The following TRPM6 variants were observed in gnomAD, a reference collection of about 807,000 sequenced individuals.
The protein encoded by TRPM6 is channel kinase 2.
In TRPM6, 111 loss-of-function variants were observed where a neutral mutation model predicts 247.6. That is an observed-to-expected ratio of 0.45 (90% CI 0.38 to 0.52). The LOEUF is 0.52. Ranked by LOEUF, TRPM6 falls within the 20% of genes least tolerant of loss-of-function variation. TRPM6 has a pLI of 0.00. For missense variants in TRPM6, 2,126 were observed against 2,421.5 expected, an observed-to-expected ratio of 0.88 and a Z score of 2.56; for synonymous variants, 892 against 853.8, an observed-to-expected ratio of 1.04 and a Z score of -0.78.
At chr9:74,815,758 T>A (rs141920732) in intron 11 of TRPM6, among the ~76,000 whole-genome samples, 1 of 152,362 alleles carries the variant, frequency 6.6e-6, no homozygotes, top group East Asian at 1.9e-4. Flanking sequence ...ACATCTTAAG[T>A]ACTAGCTCTT....
chr9:74,728,621 A>G (rs989260503), intron 37 of TRPM6, among the ~76,000 whole-genome samples: 1 of 152,244 alleles, frequency 6.6e-6, no homozygotes, highest in Non-Finnish European at 1.5e-5. Context: ...TCTATGTACC[A>G]CATTAAAACA....
chr9:74,782,196 C>G (rs1195331308), intron 23 of TRPM6, among the ~76,000 whole-genome samples, 166 bp downstream of exon 23: 2 of 152,102 alleles, frequency 1.3e-5, no homozygotes, highest in African/African-American at 4.8e-5. Context: ...TTCCCATGCT[C>G]CATGTCCTTC....
chr9:74,750,296 A>C (rs1826198797), intron 30 of TRPM6, among the ~76,000 whole-genome samples: 1 of 152,226 alleles, frequency 6.6e-6, no homozygotes, highest in African/African-American at 2.4e-5. Flanking sequence ...GTTCAGTCTA[A>C]GTCTGTTTCT....
chr9:74,738,266 T>C, intron 36 of TRPM6, 141 bp downstream of exon 36: 2 of 837,744 alleles, frequency 2.4e-6, no homozygotes, highest in Non-Finnish European at 4.0e-6. Context: ...ATTATCACTG[T>C]ACAATGTCTC....
intron 11 of TRPM6, 94 bp from the exon 12 acceptor site, chr9:74,812,527 CAATAATTTTAA>C: frequency 4.0e-6 from 4 of 1,012,232 alleles, no homozygotes. Context: ...TACACAAACA[CAATAATTTTAA>C]AATAAAATCC....
intron 3 of TRPM6, among the ~76,000 whole-genome samples, chr9:74,850,232 C>A (rs139383169): frequency 2.0e-5 from 3 of 151,100 alleles, no homozygotes; most frequent in African/African-American, 7.3e-5. Context: ...ATCAGCTGAG[C>A]GTGGTGGCAC....
intron 31 of TRPM6, among the ~76,000 whole-genome samples, chr9:74,745,578 T>C (rs1587462400): frequency 6.6e-6 from 1 of 152,148 alleles, no homozygotes; most frequent in East Asian, 1.9e-4. Context: ...TAAGGTGAAA[T>C]TTGAGCACAG....
At chr9:74,818,301 T>C (rs1275446885) in intron 9 of TRPM6, among the ~76,000 whole-genome samples, 3 of 142,500 alleles carry the variant, frequency 2.1e-5, no homozygotes, top group Admixed American at 6.9e-5. Context: ...TTCTTTTTTT[T>C]TTTTTTTTTT....
intron 18 of TRPM6, among the ~76,000 whole-genome samples, chr9:74,796,380 C>A (rs1357502257): frequency 1.3e-5 from 2 of 152,082 alleles, no homozygotes; most frequent in African/African-American, 4.8e-5. Context: ...TGTAAAGTGG[C>A]CACAAATGAG....
At chr9:74,737,508 T>C (rs1825732225) in intron 36 of TRPM6, 6 of 982,686 alleles carry the variant, frequency 6.1e-6, no homozygotes, top group Admixed American at 4.6e-5. Flanking sequence ...AACCATAAGA[T>C]GGTTATACCC....
chr9:74,830,495 G>A (rs1046780507), intron 6 of TRPM6, among the ~76,000 whole-genome samples: 3 of 151,790 alleles, frequency 2.0e-5, no homozygotes, highest in Non-Finnish European at 2.9e-5. Context: ...TCCCGGGCTC[G>A]AGCGATCCTC....
chr9:74,763,056 G>A lies in TRPM6; in HGVS notation c.3615C>T (p.Asp1205=). 6.2e-7 allele frequency: 1 copy of A among 1,614,112 alleles called. No individual in the cohort carries two copies. The highest frequency in any genetic ancestry group is 8.5e-7 in the Non-Finnish European group (1 of 1,179,986). Reference sequence around the variant, plus strand: ...GATCCTGCAGGTGTCCCACCTGGCTGTCCAAAGACAGTAAGGAGTCCTTTA... The same window carrying A: ...GATCCTGCAGGTGTCCCACCTGGCTATCCAAAGACAGTAAGGAGTCCTTTA... The part of the protein sequence containing the change: ...SFIKDSLLSL[D]SQVGHLQDLS... Residue 1205 remains aspartate (D), a synonymous_variant, in exon 26 of 39, where the codon GAC becomes GAT. Transcript: ENST00000360774.
intron 7 of TRPM6, among the ~76,000 whole-genome samples, chr9:74,823,774 ATAAAACGTTATTCAGCCATTAAAATGTAC>A (rs1829215555): frequency 6.6e-6 from 1 of 152,218 alleles, no homozygotes; most frequent in African/African-American, 2.4e-5. Flanking sequence ...ATCTTGTGCA[ATAAAACGTTATTCAGCCATTAAAATGTAC>A]TAAATTATAC....
At position 74,840,097 on chromosome 9, in the gene TRPM6, C is replaced by G. The variant is rs1402717815; in HGVS notation, c.471G>C (p.Glu157Asp). The G allele has an allele frequency of 1.2e-6, 2 of 1,614,122 alleles. No homozygotes were observed. Among genetic ancestry groups the G allele is most frequent in the Non-Finnish European group, 1.7e-6 (2 of 1,180,020 alleles). The change falls in exon 5 of 39, where the codon GAG (glutamate) becomes GAC (aspartate). Residue 157 changes from glutamate to aspartate, a missense_variant. Transcript: ENST00000360774. Reference protein sequence around the residue: ...QNFTMPSKFKEIFSQGLVKAA... With the variant: ...QNFTMPSKFKDIFSQGLVKAA... ...CTTTAACCAAACCTTGGCTGAAAAT[C>G]TCTTTAAATTTAGAGGGCATAGTAA...
At chr9:74,810,287 T>C (rs1828684922) in intron 13 of TRPM6, among the ~76,000 whole-genome samples, 2 of 152,182 alleles carry the variant, frequency 1.3e-5, no homozygotes, top group African/African-American at 4.8e-5. Flanking sequence ...AAGTTTGACC[T>C]AACTCACAGT....
chr9:74,859,508 C>A (rs1830630254), intron 1 of TRPM6, among the ~76,000 whole-genome samples: 1 of 152,180 alleles, frequency 6.6e-6, no homozygotes, highest in Non-Finnish European at 1.5e-5. Context: ...CGTGGTGGCT[C>A]ATGCCTGTAA....
intron 18 of TRPM6, among the ~76,000 whole-genome samples, chr9:74,795,354 TA>T: frequency 6.6e-6 from 1 of 152,264 alleles, no homozygotes; most frequent in East Asian, 1.9e-4. Context: ...ACCTACAGAA[TA>T]AAAATCATAC....
chr9:74,753,110 CAAAAA>C (rs35980332), intron 28 of TRPM6, among the ~76,000 whole-genome samples: 1 of 104,208 alleles, frequency 9.6e-6, no homozygotes, highest in Admixed American at 1.1e-4. Flanking sequence ...GAGACTGTCT[CAAAAA>C]AAAAAAAAAA....
intron 32 of TRPM6, 26 bp downstream of exon 32, chr9:74,744,069 C>G (rs761595871): frequency 3.3e-5 from 53 of 1,608,822 alleles, no homozygotes; most frequent in Non-Finnish European, 4.3e-5. Flanking sequence ...GCTCAGCTGA[C>G]ATGTCTATGT....
Sources: allele counts gnomAD v4.1 joint callset (sites outside exome capture counted in the v4.1 genomes callset), GRCh38; gene constraint gnomAD v4.1.1; transcripts MANE v1.5; gene names NCBI Gene and HGNC (gene_info 2026-07-23, HGNC 2026-07-21).